Variants in SLC35H1 observed in about 807,000 individuals in gnomAD.
SLC35H1 encodes the protein solute carrier family 35 member H1, also known as ovarian cancer-overexpressed gene 1 protein.
the SLC35H1 span, chr20:46,350,468 G>A: frequency 6.2e-7 from 1 of 1,613,384 alleles, no homozygotes. Flanking sequence ...CTCCGGAGCA[G>A]CAGCTCCAGG....
At chr20:46,353,792 G>A in the SLC35H1 span, among the ~76,000 whole-genome samples, 52 of 152,220 alleles carry the variant, frequency 3.4e-4, no homozygotes, top group African/African-American at 1.2e-3. Context: ...ACACACGGGA[G>A]GGGAGGGAGA....
chr20:46,361,810 A>C, the SLC35H1 span, among the ~76,000 whole-genome samples: 3 of 152,212 alleles, frequency 2.0e-5, no homozygotes, highest in Non-Finnish European at 2.9e-5. Flanking sequence ...ACATGCTGGC[A>C]CTAACAGAGC....
At chr20:46,348,102 T>C in the SLC35H1 span, 2 of 113,672 alleles carry the variant, frequency 1.8e-5, no homozygotes, top group Admixed American at 1.4e-4. Flanking sequence ...GCAGACAGCA[T>C]GGGTGGTTCT....
chr20:46,356,477 G>C, the SLC35H1 span: 1 of 1,207,820 alleles, frequency 8.3e-7, no homozygotes, highest in South Asian at 1.3e-5. Flanking sequence ...CCAGAGTGGT[G>C]GAGTGGCTGG....
chr20:46,356,544 G>T, the SLC35H1 span: 2 of 1,612,050 alleles, frequency 1.2e-6, no homozygotes, highest in Non-Finnish European at 1.7e-6. Context: ...TCAGCCTGAA[G>T]GGAGGCAGCA....
At chr20:46,355,360 AC>A in the SLC35H1 span, 2 of 1,135,284 alleles carry the variant, frequency 1.8e-6, no homozygotes, top group Non-Finnish European at 2.5e-6. This position sits in a 1 kb window ranked among gnomAD's most constrained non-coding sequence, Gnocchi z 4.8. Context: ...AAATCCTTCC[AC>A]CCTTCAGCTC....
chr20:46,358,374 G>A, the SLC35H1 span: 2 of 1,611,890 alleles, frequency 1.2e-6, no homozygotes, highest in Admixed American at 1.7e-5. Flanking sequence ...GCCCCAGCAA[G>A]GCCTCCTGGT....
chr20:46,355,970 C>T, the SLC35H1 span: 1 of 1,562,674 alleles, frequency 6.4e-7, no homozygotes, highest in Admixed American at 1.9e-5. This position sits in a 1 kb window ranked among gnomAD's most constrained non-coding sequence, Gnocchi z 4.8. Context: ...AGCGAAATGA[C>T]CAAACAGAGC....
chr20:46,358,764 C>A, the SLC35H1 span: 1 of 1,523,428 alleles, frequency 6.6e-7, no homozygotes, highest in African/African-American at 1.4e-5. Flanking sequence ...CCAAGGTCTG[C>A]TGCTGGGGAA....
chr20:46,361,938 C>T, the SLC35H1 span, among the ~76,000 whole-genome samples: 1 of 152,236 alleles, frequency 6.6e-6, no homozygotes, highest in South Asian at 2.1e-4. Flanking sequence ...TTTCCTGCTG[C>T]AGCACTGCAA....
chr20:46,349,160 C>T, the SLC35H1 span: 2 of 152,390 alleles, frequency 1.3e-5, no homozygotes, highest in East Asian at 1.9e-4. Context: ...TGCAATGGCG[C>T]CACCTGCTGT....
the SLC35H1 span, chr20:46,352,366 C>T: frequency 1.3e-6 from 1 of 749,984 alleles, no homozygotes; most frequent in South Asian, 1.8e-5. Context: ...AGAGAAAAAG[C>T]ATGGAAGGTA....
chr20:46,358,870 C>G, the SLC35H1 span: 1 of 739,384 alleles, frequency 1.4e-6, no homozygotes, highest in Non-Finnish European at 2.4e-6. Flanking sequence ...AGGGGCTGCC[C>G]ACAACGGCAC....
the SLC35H1 span, among the ~76,000 whole-genome samples, chr20:46,357,417 G>A: frequency 3.3e-5 from 5 of 152,248 alleles, no homozygotes; most frequent in Non-Finnish European, 7.3e-5. Flanking sequence ...GGTTTTGTGG[G>A]TGTGTGGTGG....
chr20:46,355,624 GT>G, the SLC35H1 span, among the ~76,000 whole-genome samples: 1 of 152,098 alleles, frequency 6.6e-6, no homozygotes, highest in African/African-American at 2.4e-5. This position sits in a 1 kb window ranked among gnomAD's most constrained non-coding sequence, Gnocchi z 4.8. Context: ...TGCCACACTG[GT>G]TTCTAAATAT....
chr20:46,359,800 A>G, the SLC35H1 span, among the ~76,000 whole-genome samples: 1 of 152,094 alleles, frequency 6.6e-6, no homozygotes, highest in African/African-American at 2.4e-5. Flanking sequence ...TTCCCATCCT[A>G]TTGAAACGCC....
At chr20:46,352,165 C>T in the SLC35H1 span, 2 of 1,614,218 alleles carry the variant, frequency 1.2e-6, no homozygotes, top group Non-Finnish European at 1.7e-6. Flanking sequence ...TCCCAAGTAC[C>T]CGCAGGAGCA....
At chr20:46,352,253 G>A in the SLC35H1 span, 3 of 1,610,874 alleles carry the variant, frequency 1.9e-6, no homozygotes, top group South Asian at 1.1e-5. Flanking sequence ...GAGAGAGTGG[G>A]AGGCCGGGTC....
the SLC35H1 span, among the ~76,000 whole-genome samples, chr20:46,360,750 A>C: frequency 2.6e-5 from 4 of 152,020 alleles, no homozygotes; most frequent in African/African-American, 9.7e-5. Context: ...GGGTTTCTCC[A>C]TGTTGGTCAG....
Sources: gnomAD v4.1 joint callset for allele counts (sites outside exome capture counted in the v4.1 genomes callset) on GRCh38, gnomAD v4.1.1 for gene constraint, Gnocchi (gnomAD v3.1) non-coding constraint, MANE v1.5 for transcripts, NCBI Gene and HGNC (gene_info 2026-07-23, HGNC 2026-07-21) for gene names.